CHD6: variants seen among roughly 807,000 people sequenced by gnomAD.
The protein encoded by CHD6 is ATP-dependent chromatin remodeler CHD6.
A neutral mutation model predicts 276.9 loss-of-function variants in CHD6; 50 were observed. That is an observed-to-expected ratio of 0.18 (90% CI 0.14 to 0.23). CHD6 has a LOEUF of 0.23. Among genes scored for constraint, CHD6 ranks in the 10% least tolerant of loss-of-function variants. The pLI is 1.00. For synonymous variants in CHD6, 1,173 were observed against 1,229.3 expected, an observed-to-expected ratio of 0.95 and a Z score of 0.96; for missense variants, 2,564 against 3,365.8, an observed-to-expected ratio of 0.76 and a Z score of 5.89.
In CHD6 at chr20:41,421,190, C is replaced by T; in HGVS notation, c.5445G>A (p.Leu1815=). Reference sequence around the variant, plus strand: ...CAAACCCACTTTCATTTCCTGGATTCAAGGAAGGGGAAGCTAAACACTTGG... The same window carrying T: ...CAAACCCACTTTCATTTCCTGGATTTAAGGAAGGGGAAGCTAAACACTTGG... The part of the protein sequence containing the change: ...LEAKCLASPS[L]NPGNESGFVD... The change falls in exon 31 of 37, where the codon TTG becomes TTA. Residue 1815 remains leucine, a synonymous_variant. Transcript: ENST00000373233. The T allele has an allele frequency of 6.2e-7, 1 of 1,613,228 alleles. No individual in the cohort carries two copies. The highest frequency in any genetic ancestry group is 8.5e-7 in the Non-Finnish European group (1 of 1,179,606).
At position 41,473,585 on chromosome 20, in the gene CHD6, G is replaced by C; in HGVS notation, c.2469-68C>G. The stretch of plus-strand genomic sequence containing the variant: ...ACTTCAATGGAGAACAGCACAAAAT[G>C]CAGGAAGCTGTCGACTGATGGCCTT... On this transcript the variant is annotated intron_variant, in intron 16 of 36. Transcript: ENST00000373233. This position sits in a 1 kb window ranked among gnomAD's most constrained non-coding sequence, Gnocchi z 4.1. 2 of 1,327,140 alleles carry C rather than the reference G, an allele frequency of 1.5e-6. No homozygotes were observed. Among genetic ancestry groups the C allele is most frequent in the Non-Finnish European group, 2.1e-6 (2 of 933,980 alleles). 82.2% of individuals were successfully genotyped at this position (1,327,140 alleles called of 1,614,324 possible).
chr20:41,489,650 C>G, intron 12 of CHD6, 128 bp downstream of exon 12: 1 of 1,247,218 alleles, frequency 8.0e-7, no homozygotes, highest in Non-Finnish European at 1.1e-6. Context: ...TCAGCCTTGA[C>G]AAACATATTA....
intron 8 of CHD6, 56 bp downstream of exon 8, chr20:41,497,328 G>GTA: frequency 1.8e-6 from 2 of 1,084,718 alleles, no homozygotes; most frequent in Admixed American, 3.4e-5. Context: ...CGTAAACACA[G>GTA]TATTTACTGC....
intron 8 of CHD6, among the ~76,000 whole-genome samples, chr20:41,495,963 C>CATTG (rs2043675868): frequency 6.6e-6 from 1 of 152,196 alleles, no homozygotes; most frequent in Non-Finnish European, 1.5e-5. Flanking sequence ...AGGCTCTTAC[C>CATTG]ATTGTGCAGT....
At chr20:41,557,130 C>T (rs1373979562) in intron 1 of CHD6, among the ~76,000 whole-genome samples, 1 of 152,190 alleles carries the variant, frequency 6.6e-6, no homozygotes, top group Non-Finnish European at 1.5e-5. Context: ...TGTGGGCAAA[C>T]CAGAAAACTT....
intron 17 of CHD6, among the ~76,000 whole-genome samples, chr20:41,460,928 T>C (rs2048527403): frequency 6.6e-6 from 1 of 152,152 alleles, no homozygotes; most frequent in South Asian, 2.1e-4. Flanking sequence ...CCAAGAAAGC[T>C]GCTGGGGGAG....
chr20:41,529,642 C>G (rs563616655), intron 3 of CHD6, among the ~76,000 whole-genome samples: 4 of 152,142 alleles, frequency 2.6e-5, no homozygotes, highest in African/African-American at 9.6e-5. Context: ...GGGGAAATAC[C>G]AAGAGCAATC....
At chr20:41,427,944 C>T (rs894409601) in intron 27 of CHD6, among the ~76,000 whole-genome samples, 4 of 152,184 alleles carry the variant, frequency 2.6e-5, no homozygotes, top group African/African-American at 9.7e-5. Flanking sequence ...CTGAGAAATG[C>T]TCTACAGTCT....
In CHD6 at chr20:41,421,123, G is replaced by C. The variant is rs2047176499; in HGVS notation, c.5512C>G (p.Leu1838Val). 1.2e-6 allele frequency: 2 copies of C among 1,613,900 alleles called. No homozygotes were observed. Among genetic ancestry groups the C allele is most frequent in the Admixed American group, 3.3e-5 (2 of 59,976 alleles). Residue 1838 changes from leucine (L) to valine (V), a missense_variant, in exon 31 of 37, where the codon CTG becomes GTG. Coordinates refer to ENST00000373233, the MANE Select transcript of CHD6 (RefSeq NM_032221.5). ...SLSVCDSKRNLSSDQQLIDLL... is the reference protein window; with the variant it reads ...SLSVCDSKRNVSSDQQLIDLL... ...TCAATTAATTGCTGATCTGATGACA[G>C]GTTTCTTTTGGAGTCACAGACACTA...
chr20:41,465,958 A>C (rs1293479696), intron 17 of CHD6, among the ~76,000 whole-genome samples: 2 of 152,142 alleles, frequency 1.3e-5, no homozygotes, highest in Non-Finnish European at 2.9e-5. Flanking sequence ...TAATCCCAGC[A>C]CTTTGGGAGG....
chr20:41,587,039 C>A (rs890044142), intron 1 of CHD6, among the ~76,000 whole-genome samples: 1 of 152,092 alleles, frequency 6.6e-6, no homozygotes, highest in Non-Finnish European at 1.5e-5. Context: ...GTTATTTGCA[C>A]TTGACATAAC....
intron 14 of CHD6, among the ~76,000 whole-genome samples, chr20:41,485,233 C>T (rs868679094): frequency 1.3e-5 from 2 of 152,090 alleles, no homozygotes; most frequent in African/African-American, 4.8e-5. Flanking sequence ...AAGCACAGGC[C>T]TGGACAGCAG....
chr20:41,548,800 A>G (rs1016635694), intron 2 of CHD6, among the ~76,000 whole-genome samples: 1 of 152,190 alleles, frequency 6.6e-6, no homozygotes, highest in African/African-American at 2.4e-5. Flanking sequence ...TTTACAAGAA[A>G]AAAAAAACAA....
At chr20:41,584,108 A>C (rs2045568191) in intron 1 of CHD6, among the ~76,000 whole-genome samples, 1 of 152,136 alleles carries the variant, frequency 6.6e-6, no homozygotes, top group Admixed American at 6.5e-5. Context: ...TTCTATAAGA[A>C]ATCCATTTTA....
At chr20:41,520,021 G>A (rs1384878367) in intron 3 of CHD6, among the ~76,000 whole-genome samples, 1 of 152,126 alleles carries the variant, frequency 6.6e-6, no homozygotes, top group Non-Finnish European at 1.5e-5. Flanking sequence ...GATATGAACA[G>A]ACATTTCTCG....
rs1354153489 is a variant in CHD6, at chr20:41,415,321, C to A, written c.6804G>T (p.Val2268=). The A allele has an allele frequency of 6.2e-7, 1 of 1,614,176 alleles. No individual in the cohort carries two copies. Among genetic ancestry groups the A allele is most frequent in the East Asian group, 2.2e-5 (1 of 44,884 alleles). Residue 2268 remains valine, a synonymous_variant, in exon 34 of 37, where the codon GTG becomes GTT. Transcript: ENST00000373233. The stretch of plus-strand genomic sequence containing the variant: ...GGCTTCCATTGACAATCTGTCCAGT[C>A]ACAGGATGGATCAGGCCAGCTTGCA... The part of the protein sequence containing the change: ...GILQAGLIHP[V]TGQIVNGSLR...
At chr20:41,539,333 T>C (rs1399303533) in intron 2 of CHD6, among the ~76,000 whole-genome samples, 1 of 152,210 alleles carries the variant, frequency 6.6e-6, no homozygotes, top group East Asian at 1.9e-4. Flanking sequence ...CTGACACACA[T>C]TAACCTAACT....
At chr20:41,464,814 C>T (rs1258525558) in intron 17 of CHD6, among the ~76,000 whole-genome samples, 3 of 151,928 alleles carry the variant, frequency 2.0e-5, no homozygotes, top group Admixed American at 6.6e-5. Flanking sequence ...TCAATTCCAA[C>T]GTGGGGGCAC....
At chr20:41,541,948 C>T (rs994062880) in intron 2 of CHD6, among the ~76,000 whole-genome samples, 3 of 152,120 alleles carry the variant, frequency 2.0e-5, no homozygotes, top group African/African-American at 7.2e-5. Flanking sequence ...CAACCTAATT[C>T]TTGTTAACTC....
Sources: gnomAD v4.1 joint callset for allele counts (sites outside exome capture counted in the v4.1 genomes callset) on GRCh38, gnomAD v4.1.1 for gene constraint, Gnocchi (gnomAD v3.1) non-coding constraint, MANE v1.5 for transcripts, NCBI Gene and HGNC (gene_info 2026-07-23, HGNC 2026-07-21) for gene names.